KCNT2: variants seen among roughly 807,000 people sequenced by gnomAD.
The protein encoded by KCNT2 is potassium channel subfamily T member 2.
KCNT2 carries 67 observed loss-of-function variants against 153.8 expected under a neutral mutation model. The ratio of observed to expected loss-of-function variants is 0.44; its 90% CI spans 0.36 to 0.53. KCNT2 has a LOEUF of 0.53. Ranked by LOEUF, KCNT2 falls within the 20% of genes least tolerant of loss-of-function variation. The pLI is 0.00. For missense variants in KCNT2, 975 were observed against 1,354.8 expected, an observed-to-expected ratio of 0.72 and a Z score of 4.40; for synonymous variants, 500 against 458.8, an observed-to-expected ratio of 1.09 and a Z score of -1.15.
At chr1:196,427,857 T>C (rs530254214) in intron 10 of KCNT2, among the ~76,000 whole-genome samples, 6 of 152,240 alleles carry the variant, frequency 3.9e-5, no homozygotes, top group African/African-American at 1.4e-4. Context: ...AAAAATTTTC[T>C]TGTAGCATTA....
intron 1 of KCNT2, among the ~76,000 whole-genome samples, chr1:196,533,328 T>C (rs752786498): frequency 2.0e-5 from 3 of 152,042 alleles, no homozygotes; most frequent in Non-Finnish European, 4.4e-5. Flanking sequence ...ACAAAAGGGG[T>C]AATTACAATT....
At chr1:196,325,457 G>T (rs1444406760) in intron 19 of KCNT2, among the ~76,000 whole-genome samples, 1 of 152,020 alleles carries the variant, frequency 6.6e-6, no homozygotes, top group Non-Finnish European at 1.5e-5. Flanking sequence ...ACACAGTTAG[G>T]CATCCCTCCT....
chr1:196,311,805 C>A (rs1206639099), intron 21 of KCNT2, among the ~76,000 whole-genome samples: 1 of 151,518 alleles, frequency 6.6e-6, no homozygotes, highest in African/African-American at 2.4e-5. Context: ...TTATTTCTTT[C>A]TCAGTAAAAT....
intron 1 of KCNT2, among the ~76,000 whole-genome samples, chr1:196,492,893 T>C (rs1008876219): frequency 2.0e-5 from 3 of 152,176 alleles, no homozygotes; most frequent in Non-Finnish European, 4.4e-5. Flanking sequence ...TTCCTACTTA[T>C]GGATCAACCA....
chr1:196,340,517 A>G lies in KCNT2; in HGVS notation c.1607T>C (p.Leu536Pro). The stretch of plus-strand genomic sequence containing the variant: ...CATAATGTATCGAGGACCTGGATTC[A>G]GCAAAATGTTTTTATTATCCTCCCT... ...VRREDNKNIL[L>P]NPGPRYIMNS... Residue 536 changes from leucine (L) to proline (P), a missense_variant, in exon 16 of 28, where the codon CTG (leucine) becomes CCG (proline). Leu to Pro is a moderately conservative substitution (Grantham distance 98, BLOSUM62 -3). Coordinates refer to ENST00000294725, the MANE Select transcript of KCNT2 (RefSeq NM_198503.5). 2 of 1,611,482 alleles carry G rather than the reference A, an allele frequency of 1.2e-6. No homozygotes were observed. Among genetic ancestry groups the G allele is most frequent in the Non-Finnish European group, 1.7e-6 (2 of 1,178,580 alleles).
rs530894987 is a variant in KCNT2, at chr1:196,495,006, T to C, written c.96-2665A>G. On this transcript the variant is annotated intron_variant, in intron 1 of 27. Transcript: ENST00000294725. ...TTTTTCCTGAGAGCAAAGGCAATTT[T>C]GCATGGTGTGAAGTCTCTCATTAAA... 5.3e-5 allele frequency among the ~76,000 whole-genome samples: 8 copies of C among 152,184 alleles called. No individual in the cohort carries two copies. In the South Asian group the frequency reaches 1.7e-3, roughly 32 times the overall value.
intron 27 of KCNT2, among the ~76,000 whole-genome samples, chr1:196,234,337 AAAC>A (rs1157392011): frequency 6.6e-6 from 1 of 151,158 alleles, no homozygotes; most frequent in African/African-American, 2.4e-5. Flanking sequence ...TGTTTTGATG[AAAC>A]AACATTTTTT....
intron 26 of KCNT2, among the ~76,000 whole-genome samples, chr1:196,253,310 T>G (rs184297993): frequency 8.6e-5 from 13 of 151,580 alleles, no homozygotes; most frequent in Admixed American, 7.2e-4. Context: ...TGTACATTGA[T>G]AGTTTTTTCT....
chr1:196,310,221 G>A (rs1156488394), intron 21 of KCNT2, among the ~76,000 whole-genome samples: 1 of 151,824 alleles, frequency 6.6e-6, no homozygotes, highest in African/African-American at 2.4e-5. Flanking sequence ...TGCCATGGTA[G>A]CTGGAAATAA....
intron 19 of KCNT2, among the ~76,000 whole-genome samples, chr1:196,321,806 A>G (rs1663344682): frequency 6.6e-6 from 1 of 151,972 alleles, no homozygotes; most frequent in Non-Finnish European, 1.5e-5. Context: ...TTAAAAGGAA[A>G]TCTGAAACAT....
chr1:196,554,841 A>G (rs976523195), intron 1 of KCNT2, among the ~76,000 whole-genome samples: 2 of 151,332 alleles, frequency 1.3e-5, no homozygotes, highest in African/African-American at 4.8e-5. Context: ...ACATATGCAA[A>G]TCAATCAATG....
At chr1:196,571,470 C>G (rs1027591192) in intron 1 of KCNT2, among the ~76,000 whole-genome samples, 29 of 152,092 alleles carry the variant, frequency 1.9e-4, no homozygotes, top group African/African-American at 6.8e-4. Context: ...GAAGCCCTTT[C>G]ATGTGCAATT....
chr1:196,428,414 C>T, intron 9 of KCNT2, 145 bp from the exon 10 acceptor site: 1 of 621,448 alleles, frequency 1.6e-6, no homozygotes, highest in South Asian at 2.1e-5. Context: ...CCTTCAACGA[C>T]AGACTTTTCA....
At chr1:196,318,888 A>G in intron 20 of KCNT2, among the ~76,000 whole-genome samples, 1 of 151,706 alleles carries the variant, frequency 6.6e-6, no homozygotes, top group Non-Finnish European at 1.5e-5. Flanking sequence ...AGTAACATAT[A>G]TTATTTCAAG....
chr1:196,531,454 C>T (rs554698355), intron 1 of KCNT2, among the ~76,000 whole-genome samples: 1 of 152,112 alleles, frequency 6.6e-6, no homozygotes, highest in African/African-American at 2.4e-5. Context: ...ACTCTATTTC[C>T]TCGAGGTAAA....
intron 5 of KCNT2, among the ~76,000 whole-genome samples, chr1:196,475,352 T>C (rs1031954702): frequency 6.6e-6 from 1 of 152,120 alleles, no homozygotes; most frequent in African/African-American, 2.4e-5. Context: ...TGGTGGCTCA[T>C]GCCTATAATC....
At chr1:196,298,154 C>G (rs997203540) in intron 22 of KCNT2, among the ~76,000 whole-genome samples, 3 of 152,108 alleles carry the variant, frequency 2.0e-5, no homozygotes, top group African/African-American at 7.2e-5. Flanking sequence ...TGACTGTTTG[C>G]ATTCTGACAT....
chr1:196,230,556 A>T (rs1443044700), intron 27 of KCNT2, among the ~76,000 whole-genome samples: 1 of 151,980 alleles, frequency 6.6e-6, no homozygotes. Flanking sequence ...TCGTGGGATG[A>T]GGTAGAAATA....
At chr1:196,327,082 A>G (rs915373587) in intron 18 of KCNT2, among the ~76,000 whole-genome samples, 193 bp from the exon 19 acceptor site, 2 of 152,166 alleles carry the variant, frequency 1.3e-5, no homozygotes, top group Admixed American at 1.3e-4. Context: ...GTGCATGGAC[A>G]AGGAAAATGA....
Sources: allele counts gnomAD v4.1 joint callset (sites outside exome capture counted in the v4.1 genomes callset), GRCh38; gene constraint gnomAD v4.1.1; transcripts MANE v1.5; gene names NCBI Gene and HGNC (gene_info 2026-07-23, HGNC 2026-07-21).